Variants in ZNF469 observed in about 807,000 individuals in gnomAD.
ZNF469 encodes zinc finger protein 469.
In ZNF469, 1 loss-of-function variant was observed where a neutral mutation model predicts 1.0. That is an observed-to-expected ratio of 1.00 (90% CI 0.35 to 4.73). The LOEUF is 4.73. Among genes scored for constraint, ZNF469 ranks in the 30% most tolerant of loss-of-function variants. The pLI is 0.16. For missense variants in ZNF469, 6,100 were observed against 5,356.3 expected (o/e 1.14, Z -4.33); for synonymous variants, 2,703 against 2,363.4 (o/e 1.14, Z -4.17).
At chr16:88,380,279 A>T (rs566651007), upstream of ZNF469, among the ~76,000 whole-genome samples, 2 of 112,524 alleles carry the variant, frequency 1.8e-5, no homozygotes, top group African/African-American at 1.3e-4. Context: ...ACACACCCAG[A>T]CATGCACACA....
At chr16:88,221,284 A>G in the ZNF469 span, among the ~76,000 whole-genome samples, 1 of 152,142 alleles carries the variant, frequency 6.6e-6, no homozygotes, top group Non-Finnish European at 1.5e-5. Context: ...GATCTATAAA[A>G]ACAGCTTCCC....
At chr16:88,380,673 A>AC (rs1491490930), upstream of ZNF469, among the ~76,000 whole-genome samples, 56 of 117,958 alleles carry the variant, frequency 4.7e-4, no homozygotes, top group Middle Eastern at 7.8e-3. Flanking sequence ...GCCCTCACAC[A>AC]AGACATGCAT....
At chr16:88,328,309 G>A in the ZNF469 span, among the ~76,000 whole-genome samples, 1 of 152,262 alleles carries the variant, frequency 6.6e-6, no homozygotes, top group Non-Finnish European at 1.5e-5. Context: ...CTCTGCTGCT[G>A]ACTGTGTGAC....
At chr16:88,357,456 C>T in the ZNF469 span, among the ~76,000 whole-genome samples, 1 of 152,164 alleles carries the variant, frequency 6.6e-6, no homozygotes, top group Non-Finnish European at 1.5e-5. Flanking sequence ...GAGTCTCATC[C>T]CGGCCCTGAT....
the ZNF469 span, among the ~76,000 whole-genome samples, chr16:88,304,783 T>C: frequency 6.6e-5 from 10 of 152,288 alleles, no homozygotes; most frequent in Non-Finnish European, 1.3e-4. Context: ...TTTGAGGAAT[T>C]TGTATTGTCT....
the ZNF469 span, among the ~76,000 whole-genome samples, chr16:88,211,901 T>G: frequency 6.6e-6 from 1 of 152,226 alleles, no homozygotes; most frequent in Non-Finnish European, 1.5e-5. Flanking sequence ...TTCACCCATG[T>G]GCAGCACCCT....
the ZNF469 span, among the ~76,000 whole-genome samples, chr16:88,274,536 C>G: frequency 6.6e-6 from 1 of 152,272 alleles, no homozygotes; most frequent in African/African-American, 2.4e-5. Context: ...CACCCTCTGC[C>G]TTCAGAAGAC....
chr16:88,160,491 C>T, the ZNF469 span, among the ~76,000 whole-genome samples: 1 of 152,206 alleles, frequency 6.6e-6, no homozygotes, highest in East Asian at 1.9e-4. Flanking sequence ...CCTCGTGCTC[C>T]TGGCTCCATC....
At chr16:88,375,088 G>A in the ZNF469 span, among the ~76,000 whole-genome samples, 12 of 152,238 alleles carry the variant, frequency 7.9e-5, no homozygotes, top group South Asian at 4.1e-4. Context: ...TGCAGCAGGC[G>A]CAGGGCAGGG....
At chr16:88,167,886 T>C in the ZNF469 span, among the ~76,000 whole-genome samples, 1 of 152,242 alleles carries the variant, frequency 6.6e-6, no homozygotes, top group Non-Finnish European at 1.5e-5. Context: ...GAGAATAATG[T>C]TGGCTTCGAG....
At chr16:88,392,385 A>C (rs976868688) in intron 1 of ZNF469, among the ~76,000 whole-genome samples, 2 of 152,208 alleles carry the variant, frequency 1.3e-5, no homozygotes, top group Non-Finnish European at 2.9e-5. Flanking sequence ...CCTCCTCCCC[A>C]GCCCAGCCTT....
At chr16:88,396,149 G>A (rs58976507) in intron 1 of ZNF469, among the ~76,000 whole-genome samples, 114 of 152,356 alleles carry the variant, frequency 7.5e-4, no homozygotes, top group African/African-American at 2.6e-3. Flanking sequence ...TGTTGAGTGC[G>A]AGTGACAGAA....
chr16:88,335,405 T>C, the ZNF469 span, among the ~76,000 whole-genome samples: 2 of 152,140 alleles, frequency 1.3e-5, no homozygotes, highest in Non-Finnish European at 2.9e-5. Context: ...GCTGGGCTGG[T>C]CAAAAACTTC....
the ZNF469 span, among the ~76,000 whole-genome samples, chr16:88,357,475 G>A: frequency 6.6e-6 from 1 of 152,146 alleles, no homozygotes; most frequent in African/African-American, 2.4e-5. Flanking sequence ...ATCCTGGGAG[G>A]CCACTCCCCC....
the ZNF469 span, among the ~76,000 whole-genome samples, chr16:88,303,274 A>G: frequency 1.3e-5 from 2 of 152,242 alleles, no homozygotes; most frequent in Non-Finnish European, 2.9e-5. Context: ...AGTGAAATCA[A>G]GGTAACAATT....
the ZNF469 span, among the ~76,000 whole-genome samples, chr16:88,331,038 A>T: frequency 6.7e-5 from 8 of 118,894 alleles, no homozygotes; most frequent in African/African-American, 2.3e-4. Context: ...TATTACCACC[A>T]TCATCACCAT....
At chr16:88,328,196 T>TG in the ZNF469 span, among the ~76,000 whole-genome samples, 1 of 152,236 alleles carries the variant, frequency 6.6e-6, no homozygotes, top group African/African-American at 2.4e-5. Context: ...GCACGCTATG[T>TG]CATGGGCCAG....
the ZNF469 span, among the ~76,000 whole-genome samples, chr16:88,225,434 T>C: frequency 2.0e-5 from 3 of 152,188 alleles, no homozygotes; most frequent in African/African-American, 7.2e-5. Context: ...CCCTTTCTAA[T>C]CGCCAGAAGG....
the ZNF469 span, among the ~76,000 whole-genome samples, chr16:88,219,206 C>A: frequency 6.7e-6 from 1 of 149,494 alleles, no homozygotes; most frequent in Non-Finnish European, 1.5e-5. Flanking sequence ...AGGTAATTTA[C>A]AGATTCAATG....
Sources: gnomAD v4.1 joint callset for allele counts (sites outside exome capture counted in the v4.1 genomes callset) on GRCh38, gnomAD v4.1.1 for gene constraint, MANE v1.5 for transcripts, NCBI Gene and HGNC (gene_info 2026-07-23, HGNC 2026-07-21) for gene names.